SPIDR: variants seen among roughly 807,000 people sequenced by gnomAD.
SPIDR encodes the protein scaffold protein involved in DNA repair.
SPIDR carries 93 observed loss-of-function variants against 104.6 expected under a neutral mutation model. The ratio of observed to expected loss-of-function variants is 0.89; its 90% CI spans 0.75 to 1.06. The LOEUF is 1.06. SPIDR is among the 50% of genes least tolerant of loss of function. The pLI is 0.00. For missense variants in SPIDR, 1,154 were observed against 1,111.2 expected, an observed-to-expected ratio of 1.04 and a Z score of -0.55; for synonymous variants, 431 against 416.9, an observed-to-expected ratio of 1.03 and a Z score of -0.41.
intron 8 of SPIDR, among the ~76,000 whole-genome samples, chr8:47,501,734 G>A (rs1478753809): frequency 3.3e-5 from 5 of 152,142 alleles, no homozygotes; most frequent in African/African-American, 1.2e-4. Context: ...TTTTCAAAGG[G>A]AATGCTTCCA....
intron 8 of SPIDR, among the ~76,000 whole-genome samples, chr8:47,488,928 T>C (rs2078174842): frequency 6.6e-6 from 1 of 152,146 alleles, no homozygotes. Context: ...AGCATTCCCT[T>C]TGAAAACTCG....
At chr8:47,694,541 G>A (rs540995954) in intron 11 of SPIDR, among the ~76,000 whole-genome samples, 41 of 152,334 alleles carry the variant, frequency 2.7e-4, no homozygotes, top group Middle Eastern at 3.4e-3. Flanking sequence ...GGCCAAGGCA[G>A]GAGGATCACT....
chr8:47,283,469 A>G (rs2038214359), intron 2 of SPIDR, among the ~76,000 whole-genome samples: 1 of 152,222 alleles, frequency 6.6e-6, no homozygotes, highest in Non-Finnish European at 1.5e-5. Flanking sequence ...AAAGTTTGAA[A>G]TCTTGGAATA....
rs190339792 is a variant in SPIDR at position 47,484,817 on chromosome 8, C to T, written c.1097+44275C>T. On this transcript the variant is annotated intron_variant, in intron 8 of 19. Coordinates refer to ENST00000297423, the MANE Select transcript of SPIDR (RefSeq NM_001080394.4). ...CCTGAATGTGTTTACCACATTGTGG[C>T]GTTCAAAGGGAATGGCTGTGTTCTT... 2.7e-3 allele frequency among the ~76,000 whole-genome samples: 418 copies of T among 152,282 alleles called. 2 individuals are homozygous for T. Among genetic ancestry groups the T allele is most frequent in the African/African-American group, 8.6e-3 (357 of 41,568 alleles).
At chr8:47,479,323 C>T (rs1304248259) in intron 8 of SPIDR, among the ~76,000 whole-genome samples, 3 of 149,774 alleles carry the variant, frequency 2.0e-5, no homozygotes, top group African/African-American at 7.4e-5. Flanking sequence ...TGCACCAGTG[C>T]ACTCCAGCCT....
chr8:47,299,200 T>C (rs1321121378), intron 5 of SPIDR, among the ~76,000 whole-genome samples: 1 of 152,226 alleles, frequency 6.6e-6, no homozygotes, highest in Non-Finnish European at 1.5e-5. Flanking sequence ...CTAGGTATTT[T>C]ATTCTCTTTG....
chr8:47,656,723 A>G (rs1256021942), intron 10 of SPIDR, among the ~76,000 whole-genome samples: 1 of 152,248 alleles, frequency 6.6e-6, no homozygotes, highest in East Asian at 1.9e-4. Flanking sequence ...CTCCATGGCA[A>G]CATTACTCAC....
chr8:47,406,953 A>G (rs1235155345), intron 6 of SPIDR, among the ~76,000 whole-genome samples: 4 of 152,228 alleles, frequency 2.6e-5, no homozygotes, highest in Non-Finnish European at 5.9e-5. Context: ...TGGTAACAAG[A>G]TAATAAACTT....
At chr8:47,281,541 A>G (rs2037778559) in intron 2 of SPIDR, among the ~76,000 whole-genome samples, 1 of 152,182 alleles carries the variant, frequency 6.6e-6, no homozygotes, top group Non-Finnish European at 1.5e-5. Context: ...CCAGGAGTAG[A>G]TTTTATCTCC....
intron 6 of SPIDR, among the ~76,000 whole-genome samples, chr8:47,398,697 C>T (rs192791118): frequency 1.1e-4 from 17 of 152,310 alleles, no homozygotes; most frequent in African/African-American, 3.8e-4. Context: ...GATGTGAATG[C>T]GTAGACTGCA....
At chr8:47,266,479 G>A (rs116603122) in intron 1 of SPIDR, among the ~76,000 whole-genome samples, 8 of 152,228 alleles carry the variant, frequency 5.3e-5, no homozygotes, top group African/African-American at 1.9e-4. Flanking sequence ...TCCATATAAT[G>A]GATATACCAG....
chr8:47,599,009 C>CA lies in SPIDR; in HGVS notation c.1358dup (p.Arg454AlafsTer76), dbSNP rs1564437237. ...GACCCATGGGCACAAAGAAGCAAAACAGCGCATCCCAACCAGCACTCCCCT... is the reference window on the plus strand; with the variant it reads ...GACCCATGGGCACAAAGAAGCAAAACAAGCGCATCCCAACCAGCACTCCCCT... On this transcript the variant is annotated frameshift_variant, in exon 10 of 20. Coordinates refer to ENST00000297423, the MANE Select transcript of SPIDR (RefSeq NM_001080394.4). LOFTEE classifies it high-confidence loss of function. 6 of 1,613,486 alleles carry CA rather than the reference C, an allele frequency of 3.7e-6. No homozygotes were observed. The South Asian group carries it at 5.5e-5, about 15-fold the overall frequency.
intron 8 of SPIDR, among the ~76,000 whole-genome samples, chr8:47,444,471 C>G (rs1367209176): frequency 1.3e-5 from 2 of 152,196 alleles, no homozygotes; most frequent in African/African-American, 2.4e-5. Flanking sequence ...TCTGACTTTC[C>G]CTATTGTCAT....
chr8:47,449,003 G>A (rs1372255705), intron 8 of SPIDR, among the ~76,000 whole-genome samples: 1 of 152,114 alleles, frequency 6.6e-6, no homozygotes, highest in East Asian at 1.9e-4. Context: ...ATTATGATCT[G>A]ATTCACCCTT....
chr8:47,504,546 T>C (rs1399571873), intron 8 of SPIDR, among the ~76,000 whole-genome samples: 1 of 152,178 alleles, frequency 6.6e-6, no homozygotes, highest in East Asian at 1.9e-4. Flanking sequence ...CTAATCTTTT[T>C]TCAAGGTTTT....
chr8:47,304,377 T>C (rs1249247511), intron 5 of SPIDR, among the ~76,000 whole-genome samples: 1 of 152,104 alleles, frequency 6.6e-6, no homozygotes, highest in African/African-American at 2.4e-5. Flanking sequence ...AATTTAAAAG[T>C]GTGTAGTGGT....
At chr8:47,633,464 C>T (rs1218254113) in intron 10 of SPIDR, among the ~76,000 whole-genome samples, 1 of 150,376 alleles carries the variant, frequency 6.6e-6, no homozygotes, top group Non-Finnish European at 1.5e-5. Context: ...TCACCTGCTG[C>T]TGTTGGACCT....
intron 5 of SPIDR, among the ~76,000 whole-genome samples, chr8:47,320,455 A>T (rs1182864135): frequency 6.6e-6 from 1 of 152,204 alleles, no homozygotes; most frequent in African/African-American, 2.4e-5. Flanking sequence ...GGCGATAATA[A>T]TAGCTTACCA....
chr8:47,437,287 C>A (rs1468140951), intron 7 of SPIDR, among the ~76,000 whole-genome samples: 3 of 145,694 alleles, frequency 2.1e-5, no homozygotes, highest in Non-Finnish European at 4.5e-5. Flanking sequence ...TATTCCCCTT[C>A]CTGTGTCCAT....
Sources: gnomAD v4.1 joint callset for allele counts (sites outside exome capture counted in the v4.1 genomes callset) on GRCh38, gnomAD v4.1.1 for gene constraint, MANE v1.5 for transcripts, NCBI Gene and HGNC (gene_info 2026-07-23, HGNC 2026-07-21) for gene names.